CCDC73: variants seen among roughly 807,000 people sequenced by gnomAD.
CCDC73 encodes the protein coiled-coil domain-containing protein 73.
A neutral mutation model predicts 116.5 loss-of-function variants in CCDC73; 95 were observed. The observed-to-expected ratio is 0.82, with a 90% CI of 0.69 to 0.97. CCDC73 has a LOEUF of 0.97. Among genes scored for constraint, CCDC73 ranks in the 50% least tolerant of loss-of-function variants. The pLI, the probability that CCDC73 is intolerant of heterozygous loss-of-function variation, is 0.00. For missense variants in CCDC73, 1,066 were observed against 1,206.8 expected (o/e 0.88, Z 1.73); for synonymous variants, 398 against 401.3 (o/e 0.99, Z 0.10).
chr11:32,660,803 G>T (rs1307078586), intron 9 of CCDC73, among the ~76,000 whole-genome samples: 1 of 151,974 alleles, frequency 6.6e-6, no homozygotes, highest in African/African-American at 2.4e-5. Context: ...CTCTGCCCTG[G>T]GCAACAGAGT....
chr11:32,815,889 A>G, the CCDC73 span, among the ~76,000 whole-genome samples: 1 of 152,152 alleles, frequency 6.6e-6, no homozygotes, highest in African/African-American at 2.4e-5. Flanking sequence ...GCTTTTATAC[A>G]CGCTATCCTT....
At chr11:32,773,746 C>T (rs1359718001) in intron 1 of CCDC73, among the ~76,000 whole-genome samples, 1 of 150,496 alleles carries the variant, frequency 6.6e-6, no homozygotes, top group Non-Finnish European at 1.5e-5. Flanking sequence ...CATTGCTGCC[C>T]TCCAGCCTGG....
At chr11:32,708,296 G>T (rs929645333) in intron 3 of CCDC73, among the ~76,000 whole-genome samples, 2 of 152,110 alleles carry the variant, frequency 1.3e-5, no homozygotes, top group Non-Finnish European at 2.9e-5. Context: ...ATGCTGTTTT[G>T]GTGACTATGG....
At chr11:32,721,086 G>A (rs1168315631) in intron 2 of CCDC73, among the ~76,000 whole-genome samples, 1 of 152,178 alleles carries the variant, frequency 6.6e-6, no homozygotes, top group Non-Finnish European at 1.5e-5. Context: ...GTGCAGTGGT[G>A]CAATTTTGGC....
Position 32,629,548 on chromosome 11 carries a change from C to A in CCDC73, c.1185+6148G>T, listed in dbSNP as rs190617774. 7.1e-3 allele frequency among the ~76,000 whole-genome samples: 1,080 copies of A among 151,884 alleles called. 16 individuals carry two copies. Among genetic ancestry groups the A allele is most frequent in the African/African-American group, 0.025 (1,041 of 41,432 alleles). ...TTGAGTAGCTGGGATTACAGGCATG[C>A]GCCACCACGCCCGGCGAATTTTTGT... On this transcript the variant is annotated intron_variant, in intron 14 of 17. Coordinates refer to ENST00000335185, the MANE Select transcript of CCDC73 (RefSeq NM_001008391.4).
chr11:32,737,572 C>T (rs529856313), intron 2 of CCDC73, among the ~76,000 whole-genome samples: 12 of 149,760 alleles, frequency 8.0e-5, no homozygotes, highest in South Asian at 6.3e-4. Context: ...GAGCCAAGAT[C>T]GTGCCACTGC....
chr11:32,650,895 A>G (rs945924716), intron 12 of CCDC73, among the ~76,000 whole-genome samples: 4 of 152,226 alleles, frequency 2.6e-5, no homozygotes, highest in African/African-American at 7.2e-5. Flanking sequence ...AAAAAGTGCT[A>G]CTAAAGGTAC....
At chr11:32,722,480 C>T (rs1590613215) in intron 2 of CCDC73, among the ~76,000 whole-genome samples, 1 of 152,182 alleles carries the variant, frequency 6.6e-6, no homozygotes, top group East Asian at 1.9e-4. Context: ...CCCTATGACA[C>T]ATTTAGGGTT....
intron 1 of CCDC73, among the ~76,000 whole-genome samples, chr11:32,767,109 G>T (rs1430913552): frequency 1.3e-5 from 2 of 152,132 alleles, no homozygotes; most frequent in Non-Finnish European, 2.9e-5. Context: ...CATGGTACTG[G>T]TACCAAAACA....
In CCDC73 at chr11:32,614,704, A is replaced by G; in HGVS notation, c.1614T>C (p.Phe538=). 6.2e-7 allele frequency: 1 copy of G among 1,611,358 alleles called. No homozygotes were observed. The highest frequency in any genetic ancestry group is 1.1e-5 in the South Asian group (1 of 90,994). ...CTEFKSPNNH[F]VVLDTAIETE... ...TTTCTATTGCTGTATCTAACACTAC[A>G]AAATGATTATTTGGTGATTTAAATT... Residue 538 remains phenylalanine, a synonymous_variant, in exon 16 of 18, where the codon TTT becomes TTC. Transcript: ENST00000335185.
intron 3 of CCDC73, among the ~76,000 whole-genome samples, chr11:32,713,540 G>A (rs577773911): frequency 4.6e-5 from 7 of 152,036 alleles, no homozygotes; most frequent in South Asian, 2.1e-4. Context: ...ATACAGTCCC[G>A]GCCCCCATGA....
chr11:32,703,519 C>A (rs1371638413), intron 3 of CCDC73, among the ~76,000 whole-genome samples: 3 of 151,494 alleles, frequency 2.0e-5, no homozygotes, highest in Non-Finnish European at 4.4e-5. Flanking sequence ...CCAAATCTTT[C>A]TTCAAGAAAA....
At chr11:32,804,148 G>GT in the CCDC73 span, among the ~76,000 whole-genome samples, 138 of 151,250 alleles carry the variant, frequency 9.1e-4, 2 homozygotes, top group Non-Finnish European at 9.4e-4. Flanking sequence ...ACATCATTTC[G>GT]TTTTTTTTGA....
chr11:32,681,212 T>G (rs1856139939), intron 7 of CCDC73: 1 of 152,018 alleles, frequency 6.6e-6, no homozygotes, highest in African/African-American at 2.4e-5. Flanking sequence ...TAAGTTTACT[T>G]CCTTCATTAA....
At chr11:32,720,819 TTGCC>T (rs1020849185) in intron 2 of CCDC73, among the ~76,000 whole-genome samples, 1 of 152,118 alleles carries the variant, frequency 6.6e-6, no homozygotes, top group Non-Finnish European at 1.5e-5. Flanking sequence ...AAGATAGAAT[TTGCC>T]TGGGAAGAGG....
In CCDC73 at chr11:32,603,277, G is replaced by T. The variant is rs1261232404; in HGVS notation, c.3031-257C>A. 2.1e-5 allele frequency: 7 copies of T among 339,336 alleles called. No individual in the cohort carries two copies. The East Asian group carries it at 3.4e-4, about 16-fold the overall frequency. The allele number at this position is 339,336 out of a possible 1,614,324, so 21.0% of individuals were successfully genotyped here. ...TTTACTACTTCATGTTTCCTCCCAT[G>T]CTTCAGAACACCATTGTTGAAGAAA... On this transcript the variant is annotated intron_variant, in intron 17 of 17. Transcript: ENST00000335185.
intron 2 of CCDC73, among the ~76,000 whole-genome samples, chr11:32,759,872 A>T (rs537320561): frequency 3.1e-4 from 47 of 152,332 alleles, no homozygotes; most frequent in African/African-American, 1.1e-3. Context: ...TAGCTGACTT[A>T]TCAAGTACTT....
the CCDC73 span, among the ~76,000 whole-genome samples, chr11:32,825,417 C>T: frequency 6.6e-6 from 1 of 150,642 alleles, no homozygotes; most frequent in Non-Finnish European, 1.5e-5. Flanking sequence ...ATTCTGCTAC[C>T]TCAGTCTCCC....
intron 12 of CCDC73, among the ~76,000 whole-genome samples, chr11:32,651,864 A>G (rs1014765344): frequency 1.3e-5 from 2 of 152,146 alleles, no homozygotes; most frequent in African/African-American, 4.8e-5. Flanking sequence ...TTAGAAGGAT[A>G]GAAGTATCTT....
Sources: allele counts gnomAD v4.1 joint callset (sites outside exome capture counted in the v4.1 genomes callset), GRCh38; gene constraint gnomAD v4.1.1; transcripts MANE v1.5; gene names NCBI Gene and HGNC (gene_info 2026-07-23, HGNC 2026-07-21).